The following MAPK10 variants were observed in gnomAD, a reference collection of about 807,000 sequenced individuals.
MAPK10 encodes JNK3 alpha protein kinase.
MAPK10 carries 25 observed loss-of-function variants against 59.3 expected under a neutral mutation model. That is an observed-to-expected ratio of 0.42 (90% confidence interval 0.31 to 0.59). The LOEUF is 0.59. MAPK10 is among the 20% of genes least tolerant of loss of function. MAPK10 has a pLI of 0.15. For synonymous variants in MAPK10, 190 were observed against 200.5 expected (o/e 0.95, Z 0.44); for missense variants, 351 against 568.9 (o/e 0.62, Z 3.90).
At chr4:86,482,224 T>C (rs1235984482) in intron 1 of MAPK10, among the ~76,000 whole-genome samples, 1 of 152,152 alleles carries the variant, frequency 6.6e-6, no homozygotes, top group Non-Finnish European at 1.5e-5. Flanking sequence ...GAACAGGACA[T>C]GCAGACATTG....
At chr4:86,083,874 G>A (rs1046620747) in intron 9 of MAPK10, among the ~76,000 whole-genome samples, 1 of 152,178 alleles carries the variant, frequency 6.6e-6, no homozygotes, top group African/African-American at 2.4e-5. Flanking sequence ...ACCACAGTAG[G>A]CTAGGGCACC....
chr4:86,462,824 G>A (rs1751864131), intron 1 of MAPK10, among the ~76,000 whole-genome samples: 1 of 152,148 alleles, frequency 6.6e-6, no homozygotes, highest in East Asian at 1.9e-4. Context: ...AATGGAATAT[G>A]TCCCTGGTAT....
At chr4:86,441,293 T>C (rs1002349192) in intron 1 of MAPK10, among the ~76,000 whole-genome samples, 1 of 152,206 alleles carries the variant, frequency 6.6e-6, no homozygotes, top group Non-Finnish European at 1.5e-5. Context: ...TAGAGGGCAA[T>C]GTTCTGATTC....
rs886164650 is a variant in MAPK10 at position 86,576,072 on chromosome 4, ACCT to A, written c.-263+17835_-263+17837del. Among the ~76,000 whole-genome samples the A allele has an allele frequency of 1.8e-4, 28 of 151,518 alleles. 2 individuals carry two copies. The East Asian group carries it at 3.5e-3, about 19-fold the overall frequency. ...GCAGTGATGCTCATAGCTCACTGCT[ACCT>A]CAAACTCCTGGGCTTAAGTGATCTT... On this transcript the variant is annotated intron_variant, in intron 1 of 4. Coordinates refer to the MAPK10 transcript ENST00000502302.
At chr4:86,330,515 G>C (rs1433539765) in intron 2 of MAPK10, among the ~76,000 whole-genome samples, 2 of 152,116 alleles carry the variant, frequency 1.3e-5, no homozygotes, top group African/African-American at 4.8e-5. Context: ...TGAATCATGG[G>C]GGCGGTTACC....
chr4:86,354,157 A>T (rs886079934), intron 2 of MAPK10, among the ~76,000 whole-genome samples: 1 of 151,990 alleles, frequency 6.6e-6, no homozygotes, highest in Non-Finnish European at 1.5e-5. Flanking sequence ...GCTCAGAACC[A>T]ATTTTTCTAC....
intron 1 of MAPK10, among the ~76,000 whole-genome samples, chr4:86,452,878 C>T (rs1750890965): frequency 6.6e-6 from 1 of 152,064 alleles, no homozygotes; most frequent in Non-Finnish European, 1.5e-5. Flanking sequence ...ACCCATGGAC[C>T]CTCTAAAGGG....
chr4:86,067,611 T>C (rs745391219), intron 10 of MAPK10, among the ~76,000 whole-genome samples, 162 bp downstream of exon 10: 2 of 152,188 alleles, frequency 1.3e-5, no homozygotes, highest in Non-Finnish European at 2.9e-5. Flanking sequence ...CCTCTATACA[T>C]GTTTCAAAAA....
chr4:86,054,429 C>T (rs992260431), intron 11 of MAPK10, among the ~76,000 whole-genome samples: 2 of 152,048 alleles, frequency 1.3e-5, no homozygotes, highest in Non-Finnish European at 2.9e-5. Flanking sequence ...AGGCACTGGG[C>T]AAGCAAAATC....
At chr4:86,068,714 C>T (rs943915588) in intron 9 of MAPK10, among the ~76,000 whole-genome samples, 2 of 152,100 alleles carry the variant, frequency 1.3e-5, no homozygotes, top group African/African-American at 4.8e-5. Flanking sequence ...GGGAATACCA[C>T]AGAAAAAATA....
At chr4:86,354,029 T>C (rs886283252) in intron 2 of MAPK10, among the ~76,000 whole-genome samples, 8 of 152,164 alleles carry the variant, frequency 5.3e-5, no homozygotes, top group Admixed American at 3.3e-4. Flanking sequence ...CAAAAGGATT[T>C]GTAGGCTAAA....
intron 2 of MAPK10, among the ~76,000 whole-genome samples, chr4:86,316,055 G>T (rs2095780983): frequency 6.6e-6 from 1 of 152,020 alleles, no homozygotes; most frequent in Non-Finnish European, 1.5e-5. Flanking sequence ...TGCTAGAGTG[G>T]TATCTTCATT....
intron 3 of MAPK10, among the ~76,000 whole-genome samples, chr4:86,188,681 C>T (rs1050370208): frequency 6.6e-6 from 1 of 152,112 alleles, no homozygotes; most frequent in Non-Finnish European, 1.5e-5. Flanking sequence ...AATGTTCCCC[C>T]ATTCTGTGGG....
intron 11 of MAPK10, among the ~76,000 whole-genome samples, chr4:86,052,394 T>A (rs1166301912): frequency 6.6e-6 from 1 of 152,112 alleles, no homozygotes; most frequent in Non-Finnish European, 1.5e-5. Flanking sequence ...TTTTAAGAAT[T>A]AAATTTGGAG....
chr4:86,537,448 C>G (rs964173722), intron 1 of MAPK10, among the ~76,000 whole-genome samples: 1 of 152,132 alleles, frequency 6.6e-6, no homozygotes, highest in Non-Finnish European at 1.5e-5. Flanking sequence ...ACCCAGCATG[C>G]AAATCATGGT....
intron 4 of MAPK10, among the ~76,000 whole-genome samples, chr4:86,155,001 C>T (rs977700997): frequency 6.6e-6 from 1 of 151,924 alleles, no homozygotes; most frequent in Admixed American, 6.6e-5. Context: ...ATTTACCAAC[C>T]CTTTAGGGAA....
chr4:86,151,967 A>G (rs1046702309), intron 4 of MAPK10: 5 of 152,218 alleles, frequency 3.3e-5, no homozygotes, highest in Non-Finnish European at 7.4e-5. Context: ...TCTAAAGTTC[A>G]TTTAATATTT....
intron 1 of MAPK10, among the ~76,000 whole-genome samples, chr4:86,521,174 G>A (rs559805167): frequency 6.6e-6 from 1 of 152,330 alleles, no homozygotes; most frequent in South Asian, 2.1e-4. Flanking sequence ...ATTAGCTGTT[G>A]TTTTCTCCTT....
At chr4:86,169,282 T>A (rs1249013553) in intron 3 of MAPK10, among the ~76,000 whole-genome samples, 3 of 152,046 alleles carry the variant, frequency 2.0e-5, no homozygotes, top group South Asian at 4.1e-4. Flanking sequence ...CAGGAGGAAA[T>A]TCAAACCAAA....
Sources: allele counts gnomAD v4.1 joint callset (sites outside exome capture counted in the v4.1 genomes callset), GRCh38; gene constraint gnomAD v4.1.1; transcripts MANE v1.5; gene names NCBI Gene and HGNC (gene_info 2026-07-23, HGNC 2026-07-21).